Variants in RBM39 observed in about 807,000 individuals in gnomAD.
The protein encoded by RBM39 is RNA binding motif protein 39, also known as RNA-binding protein 39.
In RBM39, 12 loss-of-function variants were observed where a neutral mutation model predicts 79.6. That is an observed-to-expected ratio of 0.15 (90% confidence interval 0.10 to 0.24). The LOEUF is 0.24. Among genes scored for constraint, RBM39 ranks in the 10% least tolerant of loss-of-function variants. RBM39 has a pLI of 1.00. For synonymous variants in RBM39, 185 were observed against 208.4 expected, an observed-to-expected ratio of 0.89 and a Z score of 0.97; for missense variants, 243 against 653.4, an observed-to-expected ratio of 0.37 and a Z score of 6.85.
chr20:35,718,849 G>A (rs968912534), intron 9 of RBM39, among the ~76,000 whole-genome samples: 11 of 150,028 alleles, frequency 7.3e-5, no homozygotes, highest in East Asian at 3.9e-4. Context: ...CAGGCATGGC[G>A]GCATGCACCT....
chr20:35,723,618 A>G (rs2146617922), intron 8 of RBM39, among the ~76,000 whole-genome samples: 1 of 152,224 alleles, frequency 6.6e-6, no homozygotes, highest in Non-Finnish European at 1.5e-5. Flanking sequence ...TTTGCATTTT[A>G]GTAGAGACAA....
chr20:35,738,958 T>G lies in RBM39; in HGVS notation c.101+10A>C, dbSNP rs2040261973. ...CACCACCCTCCCCCAAGCCCCTTCTTAAAACTCACTTTTTGCTACGTTCTT... is the reference window on the plus strand; with the variant it reads ...CACCACCCTCCCCCAAGCCCCTTCTGAAAACTCACTTTTTGCTACGTTCTT... On this transcript the variant is annotated intron_variant, in intron 3 of 16. Transcript: ENST00000253363. The G allele has an allele frequency of 6.2e-6, 10 of 1,609,962 alleles. No individual in the cohort carries two copies. In the East Asian group the frequency reaches 2.0e-4, roughly 32 times the overall value.
chr20:35,729,218 A>T, intron 6 of RBM39, 94 bp downstream of exon 6: 1 of 1,136,554 alleles, frequency 8.8e-7, no homozygotes, highest in Non-Finnish European at 1.2e-6. Context: ...AGCAAGATTT[A>T]ATATGGTCCA....
rs1285248535 is a variant in RBM39, at chr20:35,729,453, T to C, written c.362+9A>G. ...ACAATTTAAACAATTCAGAAGTATGTTTAAAAACCTTAATTTGATGCTATG... is the reference window on the plus strand; with the variant it reads ...ACAATTTAAACAATTCAGAAGTATGCTTAAAAACCTTAATTTGATGCTATG... On this transcript the variant is annotated intron_variant, in intron 5 of 16. Coordinates refer to ENST00000253363, the MANE Select transcript of RBM39 (RefSeq NM_184234.3). The C allele has an allele frequency of 1.2e-6, 2 of 1,613,432 alleles. No individual in the cohort carries two copies. The highest frequency in any genetic ancestry group is 2.7e-5 in the African/African-American group (2 of 75,028).
Position 35,713,851 on chromosome 20 carries a change from C to A in RBM39, c.1096+334G>T, listed in dbSNP as rs562650157. ...CTGCACTCCAAATTGGGCAACAGAG[C>A]CAGACCCTGCATCAAAAAATAAGAA... On this transcript the variant is annotated intron_variant, in intron 11 of 16. Coordinates refer to ENST00000253363, the MANE Select transcript of RBM39 (RefSeq NM_184234.3). 13 of 211,676 alleles carry A rather than the reference C, an allele frequency of 6.1e-5. 1 individual carries two copies. In the South Asian group the frequency reaches 8.2e-4, roughly 13 times the overall value. The allele number at this position is 211,676 out of a possible 1,614,324, so 13.1% of individuals were successfully genotyped here.
At chr20:35,734,473 G>T in intron 3 of RBM39, 1 of 233,566 alleles carries the variant, frequency 4.3e-6, no homozygotes, top group East Asian at 1.1e-4. Flanking sequence ...AAAACCAAAA[G>T]TCCTAAATAT....
chr20:35,733,040 C>T (rs2039535315), intron 3 of RBM39, among the ~76,000 whole-genome samples: 1 of 152,126 alleles, frequency 6.6e-6, no homozygotes, highest in Non-Finnish European at 1.5e-5. Flanking sequence ...CAGTGGCTCA[C>T]GCCTGTAATC....
rs368985472 is a variant in RBM39, at chr20:35,723,685, G to A, written c.687+885C>T. ...ACTCCTGACCTCAGGTGATCCGCCC[G>A]CCTCAACCTCCCAAAGTGCTGGGAT... On this transcript the variant is annotated intron_variant, in intron 8 of 16. Transcript: ENST00000253363. 1.2e-4 allele frequency among the ~76,000 whole-genome samples: 19 copies of A among 152,218 alleles called. No individual in the cohort carries two copies. In the East Asian group the frequency reaches 1.6e-3, roughly 12 times the overall value.
chr20:35,705,311 C>G lies in RBM39; in HGVS notation c.1327G>C (p.Asp443His). Residue 443 changes from aspartate to histidine, a missense_variant, in exon 15 of 17, where the codon GAT becomes CAT. Physicochemically the swap from Asp to His is moderately conservative, Grantham distance 81. This residue lies in a region of RBM39 where 48 missense variants were observed against 130.2 expected (regional missense o/e 0.37). Transcript: ENST00000253363. ...NPQTEEEVGW[D>H]TEIKDDVIEE... The stretch of plus-strand genomic sequence containing the variant: ...ATCACATCATCCTTAATCTCGGTAT[C>G]CCATCCAACTTCTTCTTCTCTGTAA... The G allele has an allele frequency of 6.3e-7, 1 of 1,585,562 alleles. No homozygotes were observed. Among genetic ancestry groups the G allele is most frequent in the Non-Finnish European group, 8.6e-7 (1 of 1,167,706 alleles).
At chr20:35,734,189 C>A in intron 3 of RBM39, 1 of 1,301,360 alleles carries the variant, frequency 7.7e-7, no homozygotes. Flanking sequence ...CACCCACCTT[C>A]TGGAATCTTG....
At chr20:35,720,983 C>G (rs562015938) in intron 9 of RBM39, among the ~76,000 whole-genome samples, 10 of 151,152 alleles carry the variant, frequency 6.6e-5, no homozygotes, top group African/African-American at 2.4e-4. Context: ...CCAGGCCAGG[C>G]TGGAGTGCAG....
intron 9 of RBM39, among the ~76,000 whole-genome samples, chr20:35,718,369 C>G (rs2037442535): frequency 6.6e-6 from 1 of 151,792 alleles, no homozygotes; most frequent in African/African-American, 2.4e-5. Context: ...ATTCTAGGAG[C>G]ATTAGCTAGC....
intron 6 of RBM39, 58 bp downstream of exon 6, chr20:35,729,254 C>T (rs2039102555): frequency 1.4e-6 from 2 of 1,395,704 alleles, no homozygotes; most frequent in Non-Finnish European, 1.9e-6. Context: ...TCAAATTTAA[C>T]AGTACCATAA....
At chr20:35,707,902 T>C in intron 13 of RBM39, 1 of 467,286 alleles carries the variant, frequency 2.1e-6, no homozygotes, top group Middle Eastern at 3.3e-4. Context: ...TTTCACGTGA[T>C]TTACAAAAAT....
chr20:35,729,305 A>T lies in RBM39; in HGVS notation c.416+7T>A. ...TAAGAGCTAAAGGCTTTAAAGAAGT[A>T]AACTACCTCACAGGGCTCTTGTCTT... is the stretch of plus-strand genomic sequence containing the variant. On this transcript the variant is annotated splice_region_variant and intron_variant, in intron 6 of 16. Coordinates refer to ENST00000253363, the MANE Select transcript of RBM39 (RefSeq NM_184234.3). 6.3e-7 allele frequency: 1 copy of T among 1,580,802 alleles called. No homozygotes were observed.
intron 1 of RBM39, 55 bp from the exon 2 acceptor site, chr20:35,740,942 C>G (rs567009785): frequency 8.0e-7 from 1 of 1,252,886 alleles, no homozygotes; most frequent in African/African-American, 1.5e-5. Flanking sequence ...CAATGTGAAA[C>G]AAGTTTCACT....
In RBM39 at chr20:35,701,745, C is replaced by G. The variant is rs935722024; in HGVS notation, c.*2736G>C. ...CTCCAGCCTGGGCGACAGAGCGAGACTCTGTCTCAAAACAAAAAAAATTTG... is the reference window on the plus strand; with the variant it reads ...CTCCAGCCTGGGCGACAGAGCGAGAGTCTGTCTCAAAACAAAAAAAATTTG... On this transcript the variant is annotated 3_prime_UTR_variant, in exon 17 of 17. Coordinates refer to ENST00000253363, the MANE Select transcript of RBM39 (RefSeq NM_184234.3). 7 of 152,194 alleles carry G rather than the reference C, an allele frequency of 4.6e-5. No individual in the cohort carries two copies. Among genetic ancestry groups the G allele is most frequent in the African/African-American group, 1.7e-4 (7 of 41,510 alleles). The allele number at this position is 152,194 out of a possible 1,614,324, so 9.4% of individuals were successfully genotyped here.
At chr20:35,711,545 G>C (rs2036413318) in intron 12 of RBM39, among the ~76,000 whole-genome samples, 1 of 152,136 alleles carries the variant, frequency 6.6e-6, no homozygotes, top group African/African-American at 2.4e-5. Flanking sequence ...TTCGCTGTCA[G>C]AAATTCTAGG....
chr20:35,741,249 G>A (rs1288447900), intron 1 of RBM39, among the ~76,000 whole-genome samples: 2 of 151,184 alleles, frequency 1.3e-5, no homozygotes, highest in East Asian at 3.9e-4. Context: ...GATGAGGTTG[G>A]TCTCGAACTC....
Sources: gnomAD v4.1 joint callset for allele counts (sites outside exome capture counted in the v4.1 genomes callset) on GRCh38, gnomAD v4.1.1 for gene constraint, gnomAD v4.1.1 regional missense constraint, MANE v1.5 for transcripts, NCBI Gene and HGNC (gene_info 2026-07-23, HGNC 2026-07-21) for gene names.